Variants in DPP10 observed in about 807,000 individuals in gnomAD.
DPP10 encodes the protein inactive dipeptidyl peptidase 10.
A neutral mutation model predicts 120.9 loss-of-function variants in DPP10; 33 were observed. That is an observed-to-expected ratio of 0.27 (90% CI 0.21 to 0.37). DPP10 has a LOEUF of 0.37. Ranked by LOEUF, DPP10 falls within the 10% of genes least tolerant of loss-of-function variation. The probability of loss-of-function intolerance (pLI) is 1.00; values close to 1 mark genes in which losing one functional copy is unlikely to be tolerated. For missense variants in DPP10, 816 were observed against 942.8 expected (o/e 0.87, Z 1.76); for synonymous variants, 337 against 326.1 (o/e 1.03, Z -0.36).
At chr2:114,977,429 A>T (rs1446895422) in intron 1 of DPP10, among the ~76,000 whole-genome samples, 1 of 152,156 alleles carries the variant, frequency 6.6e-6, no homozygotes, top group Non-Finnish European at 1.5e-5. Flanking sequence ...TGAACGGTGG[A>T]TACTAAAAAT....
intron 1 of DPP10, among the ~76,000 whole-genome samples, chr2:114,813,975 CA>C (rs1482156824): frequency 2.6e-5 from 4 of 151,708 alleles, no homozygotes; most frequent in African/African-American, 9.7e-5. Flanking sequence ...CACACACACA[CA>C]CACACACACA....
intron 1 of DPP10, among the ~76,000 whole-genome samples, chr2:114,757,322 G>A (rs1679861257): frequency 7.0e-6 from 1 of 142,152 alleles, no homozygotes; most frequent in Admixed American, 7.2e-5. Flanking sequence ...GGAGAAAGGA[G>A]GGAAGGAAAG....
chr2:114,847,611 A>C (rs558546462), intron 1 of DPP10, among the ~76,000 whole-genome samples: 1 of 152,300 alleles, frequency 6.6e-6, no homozygotes, highest in South Asian at 2.1e-4. Context: ...CATCTATAGA[A>C]AGCAGAGATT....
In DPP10 at chr2:115,219,459, T is replaced by C. The variant is rs150125925; in HGVS notation, c.61-89780T>C. 1.6e-4 allele frequency among the ~76,000 whole-genome samples: 25 copies of C among 152,176 alleles called. No individual in the cohort carries two copies. The East Asian group carries it at 4.2e-3, about 26-fold the overall frequency. ...ACACACACAAACACACATATACAAA[T>C]ACATATGTATACACCTCCACTCTTA... is the stretch of plus-strand genomic sequence containing the variant. On this transcript the variant is annotated intron_variant, in intron 1 of 25. Coordinates refer to ENST00000410059, the MANE Select transcript of DPP10 (RefSeq NM_020868.6).
intron 7 of DPP10, among the ~76,000 whole-genome samples, chr2:115,699,590 CA>C (rs2091792699): frequency 6.6e-6 from 1 of 152,178 alleles, no homozygotes; most frequent in Non-Finnish European, 1.5e-5. Flanking sequence ...GCCTGGGCAA[CA>C]GAGTGAGACT....
intron 5 of DPP10, among the ~76,000 whole-genome samples, chr2:115,601,429 C>G (rs1389911795): frequency 6.6e-6 from 1 of 152,080 alleles, no homozygotes; most frequent in Non-Finnish European, 1.5e-5. Flanking sequence ...AAAAGCTATG[C>G]CTTTTTCACA....
At chr2:115,667,380 G>C (rs1179879583) in intron 5 of DPP10, among the ~76,000 whole-genome samples, 2 of 151,842 alleles carry the variant, frequency 1.3e-5, no homozygotes, top group Non-Finnish European at 2.9e-5. Context: ...TTTCATTTTT[G>C]TTGCAATTGC....
At chr2:114,479,728 G>A (rs1680848766) in intron 1 of DPP10, among the ~76,000 whole-genome samples, 1 of 152,174 alleles carries the variant, frequency 6.6e-6, no homozygotes, top group Admixed American at 6.6e-5. Context: ...GATGGTTAAA[G>A]ACTTAAATGT....
chr2:115,468,604 G>A (rs1203188695), intron 3 of DPP10: 1 of 387,660 alleles, frequency 2.6e-6, no homozygotes, highest in East Asian at 6.6e-5. Flanking sequence ...CTGCACTTGT[G>A]TGGCACCATC....
chr2:114,700,270 C>G (rs1245852634), intron 1 of DPP10, among the ~76,000 whole-genome samples: 1 of 152,044 alleles, frequency 6.6e-6, no homozygotes, highest in Non-Finnish European at 1.5e-5. Flanking sequence ...CTTCTCCTGC[C>G]CCTGTCCCAA....
At position 114,703,389 on chromosome 2, in the gene DPP10, T is replaced by G. The variant is rs1700501260; in HGVS notation, c.60+260551T>G. On this transcript the variant is annotated intron_variant, in intron 1 of 25. Transcript: ENST00000410059. Reference sequence around the variant, plus strand: ...CACGCATAAGATCACAATTGTGATTTTACAATACATCTTAATAAAAAGAGT... The same window carrying G: ...CACGCATAAGATCACAATTGTGATTGTACAATACATCTTAATAAAAAGAGT... Among the ~76,000 whole-genome samples, 3 of 152,280 alleles carry G rather than the reference T, an allele frequency of 2.0e-5. No homozygotes were observed. The South Asian group carries it at 6.2e-4, about 32-fold the overall frequency.
intron 1 of DPP10, among the ~76,000 whole-genome samples, chr2:114,886,790 C>T (rs542713231): frequency 3.2e-4 from 49 of 152,228 alleles, no homozygotes; most frequent in African/African-American, 1.2e-3. Context: ...GTCATGTAGT[C>T]GAGGCCTTGC....
intron 2 of DPP10, among the ~76,000 whole-genome samples, chr2:115,314,634 T>C (rs996096129): frequency 6.6e-6 from 1 of 152,182 alleles, no homozygotes; most frequent in Non-Finnish European, 1.5e-5. Context: ...TTTTCACTTC[T>C]AGAAGTGTCT....
At chr2:115,136,316 T>C (rs1444053738) in intron 1 of DPP10, among the ~76,000 whole-genome samples, 2 of 152,158 alleles carry the variant, frequency 1.3e-5, no homozygotes, top group African/African-American at 4.8e-5. Flanking sequence ...AGAGCGCACC[T>C]GTGTGTGTCC....
intron 1 of DPP10, among the ~76,000 whole-genome samples, chr2:114,934,881 G>A (rs772885856): frequency 1.3e-5 from 2 of 152,034 alleles, no homozygotes; most frequent in Non-Finnish European, 2.9e-5. Context: ...TTTTCTCTGT[G>A]CCCTTATAAA....
intron 1 of DPP10, among the ~76,000 whole-genome samples, chr2:114,572,919 C>T (rs1239176709): frequency 6.6e-6 from 1 of 152,194 alleles, no homozygotes; most frequent in Non-Finnish European, 1.5e-5. Context: ...GTAGAAAACA[C>T]AGGCGTGGAA....
intron 1 of DPP10, among the ~76,000 whole-genome samples, chr2:114,735,335 T>A (rs114816700): frequency 0.013 from 1,935 of 152,278 alleles, 49 homozygotes; most frequent in African/African-American, 0.044. Context: ...CACCAGCGAA[T>A]TTTTACTGCT....
At chr2:115,340,262 C>T (rs2106238303) in intron 2 of DPP10, among the ~76,000 whole-genome samples, 1 of 152,062 alleles carries the variant, frequency 6.6e-6, no homozygotes, top group East Asian at 1.9e-4. Context: ...AATCATTAAT[C>T]TTATAGGTAT....
At chr2:114,557,319 G>A (rs1013129235) in intron 1 of DPP10, among the ~76,000 whole-genome samples, 5 of 152,134 alleles carry the variant, frequency 3.3e-5, no homozygotes, top group Admixed American at 1.3e-4. Context: ...TGGCTTTCCT[G>A]ACAGCCCCAG....
Sources: gnomAD v4.1 joint callset for allele counts (sites outside exome capture counted in the v4.1 genomes callset) on GRCh38, gnomAD v4.1.1 for gene constraint, MANE v1.5 for transcripts, NCBI Gene and HGNC (gene_info 2026-07-23, HGNC 2026-07-21) for gene names.